The following NYAP2 variants were observed in gnomAD, a reference collection of about 807,000 sequenced individuals.
NYAP2 encodes the protein neuronal tyrosine-phosphorylated phosphoinositide-3-kinase adaptor 2.
In NYAP2, 23 loss-of-function variants were observed where a neutral mutation model predicts 50.4. The ratio of observed to expected loss-of-function variants is 0.46; its 90% confidence interval spans 0.33 to 0.65. The LOEUF (loss-of-function observed/expected upper bound fraction) is 0.65, where lower values mean the gene tolerates loss of function less well. Among genes scored for constraint, NYAP2 ranks in the 30% least tolerant of loss-of-function variants. The probability of loss-of-function intolerance (pLI) is 0.02; values close to 1 mark genes in which losing one functional copy is unlikely to be tolerated. For missense variants in NYAP2, 885 were observed against 861.0 expected, an observed-to-expected ratio of 1.03 and a Z score of -0.35; for synonymous variants, 394 against 365.2, an observed-to-expected ratio of 1.08 and a Z score of -0.90.
intron 3 of NYAP2, among the ~76,000 whole-genome samples, chr2:225,412,666 T>G (rs1695066402): frequency 6.6e-6 from 1 of 151,750 alleles, no homozygotes; most frequent in Admixed American, 6.6e-5. Context: ...AACAGAAAGG[T>G]GGAATTAAAG....
At chr2:225,665,583 T>C in the NYAP2 span, among the ~76,000 whole-genome samples, 1 of 149,258 alleles carries the variant, frequency 6.7e-6, no homozygotes, top group South Asian at 2.1e-4. Context: ...CTTTTTTTTT[T>C]GAGACCAAAA....
chr2:225,594,416 C>A (rs1692561472), intron 5 of NYAP2, among the ~76,000 whole-genome samples: 1 of 151,862 alleles, frequency 6.6e-6, no homozygotes, highest in Admixed American at 6.6e-5. Context: ...CCTAGGTACT[C>A]AGGAGGCTGA....
intron 5 of NYAP2, among the ~76,000 whole-genome samples, chr2:225,618,110 C>T (rs1693021061): frequency 6.6e-6 from 1 of 152,182 alleles, no homozygotes; most frequent in African/African-American, 2.4e-5. Context: ...ATGTAATACC[C>T]TGTTTGCTTA....
chr2:225,497,622 A>G (rs774157672), intron 3 of NYAP2, among the ~76,000 whole-genome samples: 4 of 152,274 alleles, frequency 2.6e-5, no homozygotes, highest in Non-Finnish European at 5.9e-5. Flanking sequence ...ATTTAATCCC[A>G]CAAGGATCCT....
downstream of NYAP2, among the ~76,000 whole-genome samples, chr2:225,657,429 C>G (rs997728278): frequency 1.3e-5 from 2 of 151,752 alleles, no homozygotes; most frequent in African/African-American, 2.4e-5. Flanking sequence ...ATTTCATCTC[C>G]TGGGTGCCCA....
At chr2:225,594,646 C>T (rs1396733793) in intron 5 of NYAP2, among the ~76,000 whole-genome samples, 1 of 152,004 alleles carries the variant, frequency 6.6e-6, no homozygotes, top group Admixed American at 6.6e-5. Context: ...ATGTGTGTTC[C>T]CTGGTGAAAA....
At chr2:225,412,636 CT>C (rs1221162579) in intron 3 of NYAP2, among the ~76,000 whole-genome samples, 1 of 152,000 alleles carries the variant, frequency 6.6e-6, no homozygotes, top group African/African-American at 2.4e-5. Context: ...ATCAGAGCAG[CT>C]GAGAATAGTA....
chr2:225,582,484 C>A lies in NYAP2; in HGVS notation c.1067C>A (p.Thr356Asn). The stretch of plus-strand genomic sequence containing the variant: ...CCCAACTCCGACGAGTCCCCGCTTA[C>A]CCCTCTGGAGGTCACGAAGCTTCCC... Residue 356 changes from threonine to asparagine, a missense_variant, in exon 5 of 7, where the codon ACC becomes AAC. By Grantham distance (65) the Thr-to-Asn change is moderately conservative. Coordinates refer to ENST00000636099, the Ensembl canonical transcript of NYAP2. The surrounding 1 kb of genome is among the most constrained non-coding windows in gnomAD (Gnocchi z 7.0). The A allele has an allele frequency of 1.3e-6, 2 of 1,540,640 alleles. No homozygotes were observed. Among genetic ancestry groups the A allele is most frequent in the Non-Finnish European group, 1.8e-6 (2 of 1,136,516 alleles).
chr2:225,538,791 TTTCTTTCTTTC>T (rs1691400193), intron 4 of NYAP2, among the ~76,000 whole-genome samples: 1 of 42,942 alleles, frequency 2.3e-5, no homozygotes, highest in South Asian at 7.2e-4. Context: ...TCTTTCTTTC[TTTCTTTCTTTC>T]TTTCTTTCTT....
intron 4 of NYAP2, among the ~76,000 whole-genome samples, chr2:225,573,942 C>T (rs985562333): frequency 1.3e-5 from 2 of 152,240 alleles, no homozygotes; most frequent in Admixed American, 6.5e-5. Flanking sequence ...TATTGATAGA[C>T]AGAATGTGTA....
chr2:225,693,994 G>A, the NYAP2 span, among the ~76,000 whole-genome samples: 112 of 152,188 alleles, frequency 7.4e-4, no homozygotes, highest in African/African-American at 2.6e-3. Context: ...ATCCAAGGAT[G>A]TTGCTTCTGC....
exon 7 of NYAP2, chr2:225,651,514 C>A: frequency 6.2e-7 from 1 of 1,613,978 alleles, no homozygotes; most frequent in Non-Finnish European, 8.5e-7. Flanking sequence ...TCAGGCAAAG[C>A]AGTGACCTGC....
chr2:225,446,736 A>G (rs929798371), intron 3 of NYAP2, among the ~76,000 whole-genome samples: 1 of 152,216 alleles, frequency 6.6e-6, no homozygotes, highest in Non-Finnish European at 1.5e-5. Context: ...TTTCCTAAGT[A>G]GTAAAACAGT....
At chr2:225,402,095 A>G (rs1030170704) in intron 2 of NYAP2, among the ~76,000 whole-genome samples, 2 of 152,044 alleles carry the variant, frequency 1.3e-5, no homozygotes, top group Non-Finnish European at 2.9e-5. Flanking sequence ...TTGTTTTCCT[A>G]TGGAAAGTGC....
chr2:225,430,059 T>A (rs1443200243), intron 3 of NYAP2, among the ~76,000 whole-genome samples: 3 of 152,226 alleles, frequency 2.0e-5, no homozygotes, highest in Non-Finnish European at 4.4e-5. Flanking sequence ...TCTGCTTTTT[T>A]AAAATCTATT....
intron 4 of NYAP2, among the ~76,000 whole-genome samples, chr2:225,556,534 C>G (rs76686807): frequency 0.027 from 4,176 of 152,260 alleles, 176 homozygotes; most frequent in African/African-American, 0.093. Flanking sequence ...TTGAGCTCCT[C>G]AGTCATTAGT....
intron 5 of NYAP2, among the ~76,000 whole-genome samples, chr2:225,599,638 C>T (rs1297049413): frequency 6.6e-6 from 1 of 152,160 alleles, no homozygotes; most frequent in Non-Finnish European, 1.5e-5. Flanking sequence ...TGTCAAATTC[C>T]AGCACACTAA....
the NYAP2 span, among the ~76,000 whole-genome samples, chr2:225,687,314 G>T: frequency 1.3e-5 from 2 of 152,126 alleles, no homozygotes; most frequent in Non-Finnish European, 2.9e-5. Flanking sequence ...AATCATGGTT[G>T]TTGGTATTAT....
chr2:225,650,033 G>C (rs1693703401), intron 6 of NYAP2, among the ~76,000 whole-genome samples: 1 of 152,154 alleles, frequency 6.6e-6, no homozygotes, highest in Admixed American at 6.5e-5. Context: ...TATTAATAGA[G>C]AGGTGAAGCA....
Sources: gnomAD v4.1 joint callset for allele counts (sites outside exome capture counted in the v4.1 genomes callset) on GRCh38, gnomAD v4.1.1 for gene constraint, Gnocchi (gnomAD v3.1) non-coding constraint, MANE v1.5 for transcripts, NCBI Gene and HGNC (gene_info 2026-07-23, HGNC 2026-07-21) for gene names.